Variants in ANAPC10 observed in about 807,000 individuals in gnomAD.
ANAPC10 encodes the protein anaphase-promoting complex subunit 10.
ANAPC10 carries 12 observed loss-of-function variants against 22.0 expected under a neutral mutation model. The observed-to-expected ratio is 0.55, with a 90% CI of 0.35 to 0.88. ANAPC10 has a LOEUF of 0.88. ANAPC10 is among the 40% of genes least tolerant of loss of function. The probability of loss-of-function intolerance (pLI) is 0.01; values close to 1 mark genes in which losing one functional copy is unlikely to be tolerated. For synonymous variants in ANAPC10, 65 were observed against 69.5 expected, an observed-to-expected ratio of 0.94 and a Z score of 0.32; for missense variants, 188 against 220.9, an observed-to-expected ratio of 0.85 and a Z score of 0.94.
At chr4:145,013,120 C>A (rs1332039725) in intron 4 of ANAPC10, among the ~76,000 whole-genome samples, 4 of 152,086 alleles carry the variant, frequency 2.6e-5, no homozygotes, top group Non-Finnish European at 1.5e-5. Context: ...GAACTGTGAG[C>A]CAATTAAGTG....
At chr4:145,002,609 T>C (rs901025938) in intron 4 of ANAPC10, among the ~76,000 whole-genome samples, 1 of 152,154 alleles carries the variant, frequency 6.6e-6, no homozygotes, top group African/African-American at 2.4e-5. Flanking sequence ...GTTCTACTCA[T>C]CTGCATGACA....
intron 1 of ANAPC10, 77 bp downstream of exon 1, chr4:145,098,043 G>A (rs1014977796): frequency 6.4e-6 from 1 of 155,304 alleles, no homozygotes; most frequent in Admixed American, 6.4e-5. Context: ...CGTAAAAAAA[G>A]ATTGAAACCG....
chr4:145,085,438 A>G (rs574123532), intron 2 of ANAPC10, among the ~76,000 whole-genome samples: 1 of 151,390 alleles, frequency 6.6e-6, no homozygotes, highest in Non-Finnish European at 1.5e-5. Flanking sequence ...TTTTTTTTTC[A>G]GTTATTTTAT....
chr4:145,016,120 G>A (rs1309608151), intron 4 of ANAPC10, among the ~76,000 whole-genome samples: 1 of 152,086 alleles, frequency 6.6e-6, no homozygotes, highest in Non-Finnish European at 1.5e-5. Flanking sequence ...TTCTGGCCAG[G>A]GCAATCAGGC....
At chr4:144,997,968 T>G (rs867227511) in intron 4 of ANAPC10, among the ~76,000 whole-genome samples, 3 of 151,752 alleles carry the variant, frequency 2.0e-5, no homozygotes, top group African/African-American at 7.3e-5. Context: ...CCAACAAAGA[T>G]CAAAAGAGAC....
intron 4 of ANAPC10, among the ~76,000 whole-genome samples, chr4:145,027,155 C>T (rs1488500933): frequency 1.3e-5 from 2 of 149,210 alleles, no homozygotes; most frequent in Admixed American, 6.7e-5. Context: ...AGGCGAGTGC[C>T]ACCACACTCG....
intron 4 of ANAPC10, among the ~76,000 whole-genome samples, chr4:145,042,820 G>T (rs1739707944): frequency 6.6e-6 from 1 of 151,524 alleles, no homozygotes. Flanking sequence ...GTTTTTTTTG[G>T]ATTATGCTCT....
Position 145,048,699 on chromosome 4 carries a change from T to C in ANAPC10, c.327+15873A>G, listed in dbSNP as rs970465550. On this transcript the variant is annotated intron_variant, in intron 4 of 4. Coordinates refer to ENST00000507656, the MANE Select transcript of ANAPC10 (RefSeq NM_001256706.2). ...CTAAAACAATGCTGCCAAAGAATAA[T>C]ATTCAAAATTGCTAAAGAACATGTA... Among the ~76,000 whole-genome samples the C allele has an allele frequency of 2.6e-5, 4 of 151,502 alleles. No homozygotes were observed. In the East Asian group the frequency reaches 7.7e-4, roughly 29 times the overall value.
intron 2 of ANAPC10, among the ~76,000 whole-genome samples, chr4:145,089,020 C>G (rs995136418): frequency 6.6e-6 from 1 of 152,140 alleles, no homozygotes; most frequent in African/African-American, 2.4e-5. Flanking sequence ...AATCTTTGCA[C>G]AATGAATTCT....
At chr4:145,026,076 T>G (rs1236759927) in intron 4 of ANAPC10, among the ~76,000 whole-genome samples, 1 of 152,166 alleles carries the variant, frequency 6.6e-6, no homozygotes, top group Non-Finnish European at 1.5e-5. Flanking sequence ...CTTGCTCAGC[T>G]ACGAGAACAC....
intron 4 of ANAPC10, among the ~76,000 whole-genome samples, chr4:145,041,973 T>C (rs1579009587): frequency 1.3e-5 from 2 of 152,330 alleles, no homozygotes. Flanking sequence ...TATTAACTTC[T>C]ATATAGAAAG....
rs35955010 is a variant in ANAPC10 at position 145,097,527 on chromosome 4, T to A, written c.-13+593A>T. ...TTGACACCTCCCATTGTATCCGAAGTTGTTCTTTAATCGGCACACAAGCAC... is the reference window on the plus strand; with the variant it reads ...TTGACACCTCCCATTGTATCCGAAGATGTTCTTTAATCGGCACACAAGCAC... On this transcript the variant is annotated intron_variant, in intron 1 of 4. Coordinates refer to ENST00000507656, the MANE Select transcript of ANAPC10 (RefSeq NM_001256706.2). The A allele has an allele frequency of 1.4e-3, 1,795 of 1,287,226 alleles. 5 individuals carry two copies. The highest frequency in any genetic ancestry group is 0.011 in the Middle Eastern group (35 of 3,064). The allele number at this position is 1,287,226 out of a possible 1,614,324, so 79.7% of individuals were successfully genotyped here. A position where few individuals can be genotyped will look rare whatever the true frequency, so the allele number is the denominator to read the frequency against.
At chr4:145,056,979 G>A (rs1011549719) in intron 4 of ANAPC10, among the ~76,000 whole-genome samples, 8 of 152,082 alleles carry the variant, frequency 5.3e-5, no homozygotes, top group African/African-American at 1.7e-4. Context: ...AAGAAACAGT[G>A]CAGGTCTTCT....
chr4:145,027,852 C>A (rs1336154717), intron 4 of ANAPC10, among the ~76,000 whole-genome samples: 1 of 151,988 alleles, frequency 6.6e-6, no homozygotes, highest in Non-Finnish European at 1.5e-5. Context: ...ATGTAGTCCA[C>A]CAATAAAGGA....
chr4:145,016,408 T>C (rs539471760), intron 4 of ANAPC10, among the ~76,000 whole-genome samples: 1 of 152,092 alleles, frequency 6.6e-6, no homozygotes, highest in Non-Finnish European at 1.5e-5. Flanking sequence ...GAATCCAACT[T>C]ACAAGGGATG....
intron 4 of ANAPC10, among the ~76,000 whole-genome samples, chr4:145,015,090 T>A (rs189960074): frequency 1.3e-5 from 2 of 151,260 alleles, no homozygotes; most frequent in Non-Finnish European, 2.9e-5. Flanking sequence ...CAAAAAGAAA[T>A]CCCTGACTTA....
intron 3 of ANAPC10, among the ~76,000 whole-genome samples, chr4:145,075,296 G>A (rs1050602786): frequency 6.6e-6 from 1 of 152,202 alleles, no homozygotes; most frequent in Non-Finnish European, 1.5e-5. Flanking sequence ...AAGGAAGGAA[G>A]AGAAGTGGAT....
In ANAPC10 at chr4:145,081,781, T is replaced by C. The variant is rs1579140421; in HGVS notation, c.116-31A>G. The C allele has an allele frequency of 3.3e-6, 5 of 1,496,710 alleles. No homozygotes were observed. The African/African-American group carries it at 6.9e-5, about 21-fold the overall frequency. 92.7% of individuals were successfully genotyped at this position (1,496,710 alleles called of 1,614,324 possible). A position where few individuals can be genotyped will look rare whatever the true frequency, so the allele number is the denominator to read the frequency against. On this transcript the variant is annotated intron_variant, in intron 2 of 4. Coordinates refer to ENST00000507656, the MANE Select transcript of ANAPC10 (RefSeq NM_001256706.2). ...AACACCAAAAGTGTCAATAAATCCC[T>C]GTGAAAAAGAAACAACTATACATGC...
chr4:145,037,448 GA>G (rs1413126070), intron 4 of ANAPC10, among the ~76,000 whole-genome samples: 1 of 151,928 alleles, frequency 6.6e-6, no homozygotes, highest in East Asian at 1.9e-4. Context: ...AATAAATATT[GA>G]AAAGAAAGAA....
Sources: allele counts gnomAD v4.1 joint callset (sites outside exome capture counted in the v4.1 genomes callset), GRCh38; gene constraint gnomAD v4.1.1; transcripts MANE v1.5; gene names NCBI Gene and HGNC (gene_info 2026-07-23, HGNC 2026-07-21).